RSPH4A: variants seen among roughly 807,000 people sequenced by gnomAD.
The protein encoded by RSPH4A is radial spoke head protein 4 homolog A.
Under a neutral mutation model 71.0 loss-of-function variants are expected in RSPH4A, and 47 were observed. The ratio of observed to expected loss-of-function variants is 0.66; its 90% CI spans 0.52 to 0.84. The LOEUF is 0.84. Among genes scored for constraint, RSPH4A ranks in the 40% least tolerant of loss-of-function variants. RSPH4A has a pLI of 0.00. For synonymous variants in RSPH4A, 282 were observed against 302.3 expected, an observed-to-expected ratio of 0.93 and a Z score of 0.70; for missense variants, 793 against 855.2, an observed-to-expected ratio of 0.93 and a Z score of 0.91.
At chr6:116,628,467 G>C in intron 3 of RSPH4A, 98 bp downstream of exon 3, 1 of 963,060 alleles carries the variant, frequency 1.0e-6, no homozygotes, top group South Asian at 1.4e-5. Flanking sequence ...AAGGCCTTTG[G>C]ACTCTATTTA....
At chr6:116,621,323 A>G (rs1444824677) in intron 1 of RSPH4A, among the ~76,000 whole-genome samples, 2 of 152,212 alleles carry the variant, frequency 1.3e-5, no homozygotes, top group Non-Finnish European at 2.9e-5. Flanking sequence ...TTGATCTCCC[A>G]TATAATATAC....
intron 5 of RSPH4A, among the ~76,000 whole-genome samples, chr6:116,630,932 G>A (rs546094242): frequency 7.6e-6 from 1 of 131,590 alleles, no homozygotes; most frequent in Non-Finnish European, 1.6e-5. Context: ...CTCATGATCC[G>A]CCCCGCCTCA....
At chr6:116,623,151 T>A (rs1583348517) in intron 2 of RSPH4A, 149 bp downstream of exon 2, 2 of 639,278 alleles carry the variant, frequency 3.1e-6, no homozygotes, top group African/African-American at 3.8e-5. Context: ...AGGCTTGGAG[T>A]ACAATGGCGT....
intron 2 of RSPH4A, among the ~76,000 whole-genome samples, chr6:116,626,337 G>T (rs1775691697): frequency 6.6e-6 from 1 of 152,026 alleles, no homozygotes. Context: ...TTTCACAAAT[G>T]TGTTTCTTTT....
In RSPH4A at chr6:116,628,127, C is replaced by T. The variant is rs770128223; in HGVS notation, c.1420C>T (p.Pro474Ser). ...GRLDAPIISY[P>S]PFPGNESNYL... Reference sequence around the variant, plus strand: ...ATTGGATGCTCCCATCATAAGCTACCCACCTTTCCCAGGAAATGAGAGTAA... The same window carrying T: ...ATTGGATGCTCCCATCATAAGCTACTCACCTTTCCCAGGAAATGAGAGTAA... The change falls in exon 3 of 6, where the codon CCA (proline) becomes TCA (serine). Residue 474 changes from proline (P) to serine (S), a missense_variant. By Grantham distance (74) the Pro-to-Ser change is moderately conservative. Transcript: ENST00000229554. 1 of 1,614,036 alleles carries T rather than the reference C, an allele frequency of 6.2e-7. No homozygotes were observed. The highest frequency in any genetic ancestry group is 1.1e-5 in the South Asian group (1 of 91,074).
In RSPH4A at chr6:116,629,113, A is replaced by G. The variant is rs993339678; in HGVS notation, c.1663-454A>G. Among the ~76,000 whole-genome samples, 2 of 152,318 alleles carry G rather than the reference A, an allele frequency of 1.3e-5. 1 individual carries two copies. Among genetic ancestry groups the G allele is most frequent in the East Asian group, 3.9e-4 (2 of 5,184 alleles). The stretch of plus-strand genomic sequence containing the variant: ...AAATCTTCGTTATACTTTGATCTAG[A>G]TAAGAGATACTCTTAGCTTTCTCTA... On this transcript the variant is annotated intron_variant, in intron 3 of 5. Transcript: ENST00000229554.
At chr6:116,628,823 A>AT (rs539672856) in intron 3 of RSPH4A, among the ~76,000 whole-genome samples, 1 of 152,218 alleles carries the variant, frequency 6.6e-6, no homozygotes, top group South Asian at 2.1e-4. Context: ...ACAGTGCTGT[A>AT]TAGCAGTTAT....
chr6:116,622,075 T>C (rs1237176823), intron 1 of RSPH4A, among the ~76,000 whole-genome samples: 1 of 152,198 alleles, frequency 6.6e-6, no homozygotes, highest in African/African-American at 2.4e-5. Flanking sequence ...GAACAAAATA[T>C]TAGAGTGTAT....
intron 2 of RSPH4A, among the ~76,000 whole-genome samples, chr6:116,623,575 G>A (rs996671296): frequency 6.6e-6 from 1 of 152,058 alleles, no homozygotes; most frequent in African/African-American, 2.4e-5. Context: ...TGACATTAGA[G>A]TAAAGGATTT....
intron 5 of RSPH4A, 34 bp from the exon 6 acceptor site, chr6:116,632,170 AATG>A (rs773513160): frequency 6.8e-7 from 1 of 1,466,056 alleles, no homozygotes; most frequent in South Asian, 1.2e-5. Flanking sequence ...GAAATTATAT[AATG>A]ATCTTTTTTT....
At chr6:116,618,041 A>G (rs1471445776) in intron 1 of RSPH4A, among the ~76,000 whole-genome samples, 2 of 152,192 alleles carry the variant, frequency 1.3e-5, no homozygotes, top group African/African-American at 4.8e-5. Flanking sequence ...TTTGGAAAAC[A>G]TCTAATACAA....
chr6:116,621,788 G>T (rs978091362), intron 1 of RSPH4A, among the ~76,000 whole-genome samples: 6 of 152,122 alleles, frequency 3.9e-5, no homozygotes, highest in African/African-American at 1.4e-4. Flanking sequence ...TAGAAACAAA[G>T]TTGGAGAGAT....
At chr6:116,625,633 A>T (rs567019434) in intron 2 of RSPH4A, among the ~76,000 whole-genome samples, 1 of 152,316 alleles carries the variant, frequency 6.6e-6, no homozygotes, top group Admixed American at 6.5e-5. Flanking sequence ...ATGGTGACTA[A>T]TACAGTATAA....
chr6:116,622,826 G>C lies in RSPH4A; in HGVS notation c.745G>C (p.Val249Leu). 1 of 1,613,314 alleles carries C rather than the reference G, an allele frequency of 6.2e-7. No homozygotes were observed. The change falls in exon 2 of 6, where the codon GTT becomes CTT. Residue 249 changes from valine to leucine, a missense_variant. Physicochemically the swap from Val to Leu is conservative, Grantham distance 32. Transcript: ENST00000229554. ...KILNERPENA[V>L]DIFENISQDV... ...ATTAAATGAGCGTCCTGAAAATGCT[G>C]TTGACATCTTTGAAAATATTAGCCA...
chr6:116,629,533 T>G (rs1325806970), intron 3 of RSPH4A, 34 bp from the exon 4 acceptor site: 1 of 1,608,772 alleles, frequency 6.2e-7, no homozygotes, highest in Non-Finnish European at 8.5e-7. Context: ...AAGGTCCCCA[T>G]TAGACTACTA....
chr6:116,619,641 T>C (rs1775567837), intron 1 of RSPH4A, among the ~76,000 whole-genome samples: 1 of 150,104 alleles, frequency 6.7e-6, no homozygotes, highest in Non-Finnish European at 1.5e-5. Flanking sequence ...AATTTTAAAG[T>C]CTAAGGAATA....
At chr6:116,628,613 A>C (rs1167299471) in intron 3 of RSPH4A, among the ~76,000 whole-genome samples, 1 of 152,220 alleles carries the variant, frequency 6.6e-6, no homozygotes, top group Non-Finnish European at 1.5e-5. Flanking sequence ...ATTTGAAAAT[A>C]AAACACATTC....
chr6:116,617,223 T>A lies in RSPH4A; in HGVS notation c.600T>A (p.Ser200=), dbSNP rs1420260573. The change falls in exon 1 of 6, where the codon TCT becomes TCA. Residue 200 remains serine (S), a synonymous_variant. Coordinates refer to ENST00000229554, the MANE Select transcript of RSPH4A (RefSeq NM_001010892.3). ...TACAGCAGCCGGCGCCTGGGGGCTC[T>A]GAAGTGGCCCCCAGCATGCTTGAGA... ...YDLQQPAPGG[S]EVAPSMLEIT... 1 of 1,614,060 alleles carries A rather than the reference T, an allele frequency of 6.2e-7. No homozygotes were observed. The highest frequency in any genetic ancestry group is 8.5e-7 in the Non-Finnish European group (1 of 1,179,908).
intron 1 of RSPH4A, among the ~76,000 whole-genome samples, chr6:116,619,681 C>CA (rs1359591113): frequency 4.0e-5 from 6 of 149,644 alleles, no homozygotes; most frequent in African/African-American, 1.5e-4. Flanking sequence ...TGAGAAATCT[C>CA]ATGAAATGTG....
Sources: allele counts gnomAD v4.1 joint callset (sites outside exome capture counted in the v4.1 genomes callset), GRCh38; gene constraint gnomAD v4.1.1; transcripts MANE v1.5; gene names NCBI Gene and HGNC (gene_info 2026-07-23, HGNC 2026-07-21).